PFKFB4: variants seen among roughly 807,000 people sequenced by gnomAD.
PFKFB4 encodes 6-phosphofructo-2-kinase/fructose-2,6-bisphosphatase 4.
In PFKFB4, 42 loss-of-function variants were observed where a neutral mutation model predicts 62.8. That is an observed-to-expected ratio of 0.67 (90% CI 0.52 to 0.86). PFKFB4 has a LOEUF of 0.86. Ranked by LOEUF, PFKFB4 falls within the 40% of genes least tolerant of loss-of-function variation. PFKFB4 has a pLI of 0.00. For synonymous variants in PFKFB4, 204 were observed against 240.7 expected (o/e 0.85, Z 1.41); for missense variants, 475 against 627.2 (o/e 0.76, Z 2.59).
At chr3:48,533,704 A>G (rs1405279839) in intron 9 of PFKFB4, among the ~76,000 whole-genome samples, 1 of 152,016 alleles carries the variant, frequency 6.6e-6, no homozygotes, top group East Asian at 1.9e-4. Flanking sequence ...AAAATACAAA[A>G]ATTAGTTGGT....
chr3:48,557,346 G>A (rs892510235), upstream of PFKFB4, among the ~76,000 whole-genome samples: 2 of 152,190 alleles, frequency 1.3e-5, no homozygotes, highest in African/African-American at 4.8e-5. Context: ...AGTCCCAGCC[G>A]TCAACTCCGC....
intron 3 of PFKFB4, 24 bp downstream of exon 3, chr3:48,549,840 C>A (rs202241455): frequency 1.4e-6 from 2 of 1,445,914 alleles, no homozygotes. Context: ...AACCTCTCCC[C>A]CCACACCCAA....
intron 9 of PFKFB4, among the ~76,000 whole-genome samples, chr3:48,531,192 C>T (rs933004739): frequency 1.3e-5 from 2 of 151,624 alleles, no homozygotes; most frequent in Admixed American, 6.6e-5. Flanking sequence ...ACAGCAAGAC[C>T]ACATCTCTAA....
chr3:48,557,247 A>G (rs1200559157), upstream of PFKFB4, among the ~76,000 whole-genome samples: 1 of 152,144 alleles, frequency 6.6e-6, no homozygotes, highest in Non-Finnish European at 1.5e-5. Flanking sequence ...CAGGGCCCCC[A>G]GGAGGGAGGG....
intron 1 of PFKFB4, among the ~76,000 whole-genome samples, chr3:48,552,261 G>A (rs565208282): frequency 2.0e-5 from 3 of 152,368 alleles, no homozygotes; most frequent in African/African-American, 7.2e-5. Flanking sequence ...CGGATACTGA[G>A]CTAAAGCCAT....
At chr3:48,520,027 G>A (rs1366896182) in intron 13 of PFKFB4, among the ~76,000 whole-genome samples, 1 of 152,204 alleles carries the variant, frequency 6.6e-6, no homozygotes, top group Non-Finnish European at 1.5e-5. Context: ...GGTGGAGGAT[G>A]CCACCTCGTT....
chr3:48,523,247 G>C (rs2042152533), intron 12 of PFKFB4, among the ~76,000 whole-genome samples: 1 of 152,096 alleles, frequency 6.6e-6, no homozygotes, highest in African/African-American at 2.4e-5. Flanking sequence ...AGCTGGGCAT[G>C]GTGGCAGGCG....
chr3:48,539,458 A>G, intron 5 of PFKFB4, 148 bp from the exon 6 acceptor site: 4 of 773,704 alleles, frequency 5.2e-6, no homozygotes, highest in South Asian at 3.1e-5. Flanking sequence ...AGAGGGCTGG[A>G]GGCGGGGTCA....
At chr3:48,546,178 A>G (rs527427986) in intron 3 of PFKFB4, among the ~76,000 whole-genome samples, 180 of 152,134 alleles carry the variant, frequency 1.2e-3, no homozygotes, top group Non-Finnish European at 2.1e-3. Flanking sequence ...ATGTATGAGC[A>G]CAGGTGCACA....
At chr3:48,558,102 T>A (rs2043373808), upstream of PFKFB4, among the ~76,000 whole-genome samples, 1 of 152,134 alleles carries the variant, frequency 6.6e-6, no homozygotes, top group Admixed American at 6.5e-5. Flanking sequence ...TTAAAATACG[T>A]TATGGTTGCC....
intron 7 of PFKFB4, chr3:48,536,803 G>A (rs2042634777): frequency 2.3e-5 from 7 of 308,546 alleles, no homozygotes; most frequent in South Asian, 9.5e-5. Context: ...GCCTATCTCC[G>A]CACTCTCAAT....
At chr3:48,539,565 T>C in intron 5 of PFKFB4, 132 bp downstream of exon 5, 1 of 839,554 alleles carries the variant, frequency 1.2e-6, no homozygotes, top group Middle Eastern at 3.4e-4. Context: ...AGACAGCCCC[T>C]CTCATCCCAA....
chr3:48,533,723 G>A (rs190891883), intron 9 of PFKFB4, among the ~76,000 whole-genome samples: 278 of 152,154 alleles, frequency 1.8e-3, no homozygotes, highest in African/African-American at 6.4e-3. Context: ...GTGTGGTGGC[G>A]GGTGCCTATA....
rs144693971 is a variant in PFKFB4 at position 48,552,613 on chromosome 3, G to C, written c.98-2379C>G. 2.8e-3 allele frequency among the ~76,000 whole-genome samples: 429 copies of C among 152,148 alleles called. 3 individuals are homozygous for C. The highest frequency in any genetic ancestry group is 9.6e-3 in the African/African-American group (399 of 41,578). On this transcript the variant is annotated intron_variant, in intron 1 of 13. Coordinates refer to ENST00000232375, the MANE Select transcript of PFKFB4 (RefSeq NM_004567.4). ...GCATTGTTTGCATAGTTCCCGGCCA[G>C]GTGGCCGGGCTCTCAAGCAACCAAG...
rs2042032928 is a variant in PFKFB4, at chr3:48,519,751, T to TC, written c.1405_1406insG (p.Gln469ArgfsTer11). 5.0e-6 allele frequency: 8 copies of TC among 1,612,098 alleles called. No individual in the cohort carries two copies. Among genetic ancestry groups the TC allele is most frequent in the Non-Finnish European group, 6.8e-6 (8 of 1,178,568 alleles). On this transcript the variant is annotated frameshift_variant, in exon 14 of 14. Transcript: ENST00000232375. LOFTEE classifies it high-confidence loss of function. ...GGTCACAGTGGATGAACATGGTCAC[T>TC]GGTGAGCAGGCACCGTGACAAGGGC... is the stretch of plus-strand genomic sequence containing the variant.
chr3:48,520,816 A>G (rs1364524589), intron 13 of PFKFB4, among the ~76,000 whole-genome samples: 1 of 152,200 alleles, frequency 6.6e-6, no homozygotes. Context: ...TGGTAGGGTC[A>G]GCTCCCAAGG....
At chr3:48,547,197 CT>C (rs1470360049) in intron 3 of PFKFB4, among the ~76,000 whole-genome samples, 1 of 152,142 alleles carries the variant, frequency 6.6e-6, no homozygotes, top group East Asian at 1.9e-4. Context: ...TGTAATGGCC[CT>C]TGAATTACGT....
intron 10 of PFKFB4, among the ~76,000 whole-genome samples, chr3:48,525,134 G>A (rs1350631413): frequency 6.6e-6 from 1 of 152,172 alleles, no homozygotes; most frequent in Non-Finnish European, 1.5e-5. Flanking sequence ...AGCCATTTGA[G>A]CGCCCCGGAA....
intron 4 of PFKFB4, among the ~76,000 whole-genome samples, chr3:48,542,477 G>C (rs770176319): frequency 6.6e-6 from 1 of 152,048 alleles, no homozygotes; most frequent in Non-Finnish European, 1.5e-5. Flanking sequence ...TTGCCAGAAA[G>C]GGGCAGAGGT....
Sources: allele counts gnomAD v4.1 joint callset (sites outside exome capture counted in the v4.1 genomes callset), GRCh38; gene constraint gnomAD v4.1.1; transcripts MANE v1.5; gene names NCBI Gene and HGNC (gene_info 2026-07-23, HGNC 2026-07-21).